The following ZDHHC14 variants were observed in gnomAD, a reference collection of about 807,000 sequenced individuals.
ZDHHC14 encodes palmitoyltransferase ZDHHC14.
In ZDHHC14, 16 loss-of-function variants were observed where a neutral mutation model predicts 47.7. The ratio of observed to expected loss-of-function variants is 0.34; its 90% CI spans 0.23 to 0.51. ZDHHC14 has a LOEUF of 0.51. Among genes scored for constraint, ZDHHC14 ranks in the 20% least tolerant of loss-of-function variants. The pLI, the probability that ZDHHC14 is intolerant of heterozygous loss-of-function variation, is 0.97. For synonymous variants in ZDHHC14, 293 were observed against 278.9 expected (o/e 1.05, Z -0.50); for missense variants, 515 against 662.5 (o/e 0.78, Z 2.44).
intron 1 of ZDHHC14, among the ~76,000 whole-genome samples, chr6:157,537,563 T>G (rs1206276062): frequency 1.3e-5 from 2 of 152,250 alleles, no homozygotes; most frequent in Admixed American, 6.5e-5. Flanking sequence ...CACTTTCCAG[T>G]TAATCTTTAT....
chr6:157,601,605 G>A (rs1784338491), intron 3 of ZDHHC14, among the ~76,000 whole-genome samples: 1 of 152,114 alleles, frequency 6.6e-6, no homozygotes, highest in South Asian at 2.1e-4. Flanking sequence ...GAGTCGGGGG[G>A]CAAGATAAAA....
intron 1 of ZDHHC14, among the ~76,000 whole-genome samples, chr6:157,503,906 A>T (rs1206725621): frequency 6.6e-6 from 1 of 152,176 alleles, no homozygotes; most frequent in East Asian, 1.9e-4. Flanking sequence ...ACTTTGGATA[A>T]AAAATTGGTA....
intron 1 of ZDHHC14, among the ~76,000 whole-genome samples, chr6:157,473,647 C>G (rs1271821337): frequency 6.6e-6 from 1 of 152,098 alleles, no homozygotes; most frequent in Non-Finnish European, 1.5e-5. Context: ...ACCCCAAATC[C>G]AAAATGCTCC....
intron 1 of ZDHHC14, among the ~76,000 whole-genome samples, chr6:157,457,212 C>G (rs1319299027): frequency 6.8e-6 from 1 of 147,884 alleles, no homozygotes; most frequent in Non-Finnish European, 1.5e-5. Flanking sequence ...GGGATGGGCA[C>G]TTTTTTGGCG....
chr6:157,647,901 C>T (rs918363436), intron 7 of ZDHHC14, among the ~76,000 whole-genome samples: 4 of 152,212 alleles, frequency 2.6e-5, no homozygotes, highest in Admixed American at 2.0e-4. Context: ...AAGCTCTGCT[C>T]TAAGTTCTTT....
Position 157,636,877 on chromosome 6 carries a change from G to A in ZDHHC14, c.752+3995G>A, listed in dbSNP as rs577454224. Among the ~76,000 whole-genome samples, 28 of 152,282 alleles carry A rather than the reference G, an allele frequency of 1.8e-4. No individual in the cohort carries two copies. In the South Asian group the frequency reaches 2.7e-3, roughly 15 times the overall value. On this transcript the variant is annotated intron_variant, in intron 5 of 8. Coordinates refer to ENST00000359775, the MANE Select transcript of ZDHHC14 (RefSeq NM_024630.3). ...GTGCAAAGTACAGAGACATTTCTTC[G>A]GTGTGCCACTGACGCCCCTCCCCTC...
chr6:157,563,595 C>G (rs965333668), intron 2 of ZDHHC14, among the ~76,000 whole-genome samples: 1 of 152,192 alleles, frequency 6.6e-6, no homozygotes, highest in Admixed American at 6.5e-5. Flanking sequence ...GTATCCAGAA[C>G]AAAGCTGGTC....
intron 3 of ZDHHC14, among the ~76,000 whole-genome samples, chr6:157,613,088 C>A (rs1784815863): frequency 6.6e-6 from 1 of 152,184 alleles, no homozygotes; most frequent in Non-Finnish European, 1.5e-5. Flanking sequence ...GAAATGCCAT[C>A]ACTGAAAATG....
chr6:157,541,265 G>A (rs1371396427), intron 1 of ZDHHC14, among the ~76,000 whole-genome samples: 3 of 152,164 alleles, frequency 2.0e-5, no homozygotes, highest in African/African-American at 4.8e-5. Flanking sequence ...AGGAAGCTGT[G>A]TCTAGGTCTG....
chr6:157,649,361 T>G lies in ZDHHC14; in HGVS notation c.965+1993T>G, dbSNP rs866638061. ...GTTAAAGTGGGGCCGTAGCTTTCCT[T>G]GGGTCATTCTGGAGCTTGGGCAGGG... On this transcript the variant is annotated intron_variant, in intron 7 of 8. Coordinates refer to ENST00000359775, the MANE Select transcript of ZDHHC14 (RefSeq NM_024630.3). Among the ~76,000 whole-genome samples, 10 of 152,300 alleles carry G rather than the reference T, an allele frequency of 6.6e-5. 1 individual carries two copies. The highest frequency in any genetic ancestry group is 3.4e-3 in the Middle Eastern group (1 of 294).
chr6:157,575,744 C>T (rs1248017218), intron 2 of ZDHHC14, among the ~76,000 whole-genome samples: 1 of 152,238 alleles, frequency 6.6e-6, no homozygotes, highest in Admixed American at 6.5e-5. Context: ...ACACAGTGTG[C>T]AGCAATGCAT....
Position 157,641,714 on chromosome 6 carries a change from C to G in ZDHHC14, c.753-4023C>G, listed in dbSNP as rs200978427. Among the ~76,000 whole-genome samples, 3 of 152,330 alleles carry G rather than the reference C, an allele frequency of 2.0e-5. No homozygotes were observed. The East Asian group carries it at 5.8e-4, about 29-fold the overall frequency. Reference sequence around the variant, plus strand: ...AACACAATCTGTCAATCTCATACTACGTGGCTCCTCGGTTTGTGTCTTATA... The same window carrying G: ...AACACAATCTGTCAATCTCATACTAGGTGGCTCCTCGGTTTGTGTCTTATA... On this transcript the variant is annotated intron_variant, in intron 5 of 8. Coordinates refer to ENST00000359775, the MANE Select transcript of ZDHHC14 (RefSeq NM_024630.3).
chr6:157,564,764 C>A (rs1464634582), intron 2 of ZDHHC14, among the ~76,000 whole-genome samples: 3 of 152,100 alleles, frequency 2.0e-5, no homozygotes, highest in Non-Finnish European at 2.9e-5. Flanking sequence ...ATCAATACTG[C>A]CAATCTTATG....
chr6:157,588,040 AG>A (rs1325968262), intron 2 of ZDHHC14, among the ~76,000 whole-genome samples: 1 of 152,178 alleles, frequency 6.6e-6, no homozygotes, highest in Non-Finnish European at 1.5e-5. Context: ...GGGCCACCTG[AG>A]GTCAGGAGTT....
At chr6:157,441,335 A>G (rs959936374) in intron 1 of ZDHHC14, among the ~76,000 whole-genome samples, 2 of 152,236 alleles carry the variant, frequency 1.3e-5, no homozygotes, top group Admixed American at 6.5e-5. Context: ...GACACCAAAC[A>G]CTTGTTCTTA....
At chr6:157,487,649 A>C (rs1779813709) in intron 1 of ZDHHC14, among the ~76,000 whole-genome samples, 2 of 152,356 alleles carry the variant, frequency 1.3e-5, no homozygotes, top group Middle Eastern at 3.4e-3. Flanking sequence ...ACCTCTATGC[A>C]TACTGCCTTC....
intron 1 of ZDHHC14, among the ~76,000 whole-genome samples, chr6:157,450,998 T>TTGTGTG (rs34066002): frequency 0.012 from 1,797 of 147,626 alleles, 43 homozygotes; most frequent in East Asian, 0.09. Flanking sequence ...AAGTCTGGTC[T>TTGTGTG]TGTGTGTGTG....
At chr6:157,607,938 A>G (rs4235927) in intron 3 of ZDHHC14, among the ~76,000 whole-genome samples, 99,450 of 152,160 alleles carry the variant, frequency 0.65, 32,749 homozygotes, top group South Asian at 0.8. Flanking sequence ...ATCGTATTGC[A>G]CAATGTCTTC....
At chr6:157,621,316 G>A (rs990771004) in intron 3 of ZDHHC14, among the ~76,000 whole-genome samples, 2 of 152,032 alleles carry the variant, frequency 1.3e-5, no homozygotes, top group African/African-American at 4.8e-5. Flanking sequence ...ATACCTCATA[G>A]GGCAAAATTT....
Sources: allele counts gnomAD v4.1 joint callset (sites outside exome capture counted in the v4.1 genomes callset), GRCh38; gene constraint gnomAD v4.1.1; transcripts MANE v1.5; gene names NCBI Gene and HGNC (gene_info 2026-07-23, HGNC 2026-07-21).